The following DSCAML1 variants were observed in gnomAD, a reference collection of about 807,000 sequenced individuals.
The protein encoded by DSCAML1 is DS cell adhesion molecule like 1.
In DSCAML1, 38 loss-of-function variants were observed where a neutral mutation model predicts 200.5. The observed-to-expected ratio is 0.19, with a 90% CI of 0.15 to 0.25. The LOEUF (loss-of-function observed/expected upper bound fraction) is 0.25. Among genes scored for constraint, DSCAML1 ranks in the 10% least tolerant of loss-of-function variants. DSCAML1 has a pLI of 1.00. For missense variants in DSCAML1, 2,223 were observed against 2,858.8 expected, an observed-to-expected ratio of 0.78 and a Z score of 5.07; for synonymous variants, 1,215 against 1,165.0, an observed-to-expected ratio of 1.04 and a Z score of -0.87.
intron 3 of DSCAML1, among the ~76,000 whole-genome samples, chr11:117,650,306 G>A (rs1204145764): frequency 1.3e-5 from 2 of 152,180 alleles, no homozygotes; most frequent in Admixed American, 6.5e-5. Context: ...CGTGTCAAAG[G>A]CTTTGCAGGC....
chr11:117,522,623 C>T (rs773615090), intron 5 of DSCAML1, among the ~76,000 whole-genome samples: 2 of 152,180 alleles, frequency 1.3e-5, no homozygotes, highest in East Asian at 1.9e-4. Context: ...CTTGCTTCTC[C>T]CTACTCGTTT....
chr11:117,733,443 T>A (rs1939984), intron 3 of DSCAML1, among the ~76,000 whole-genome samples: 138,076 of 152,194 alleles, frequency 0.91, 63,388 homozygotes, highest in South Asian at 0.99. Flanking sequence ...GTCCCTACAC[T>A]CTTGGAAGTG....
At chr11:117,591,171 C>T (rs1056739602) in intron 3 of DSCAML1, among the ~76,000 whole-genome samples, 2 of 145,114 alleles carry the variant, frequency 1.4e-5, no homozygotes, top group African/African-American at 5.1e-5. Context: ...TATTTATTCA[C>T]ATACAGAGAG....
At chr11:117,599,031 A>G (rs2051415008) in intron 3 of DSCAML1, among the ~76,000 whole-genome samples, 1 of 152,244 alleles carries the variant, frequency 6.6e-6, no homozygotes, top group African/African-American at 2.4e-5. Context: ...AGTAATACGG[A>G]TCTCAACACC....
intron 3 of DSCAML1, among the ~76,000 whole-genome samples, chr11:117,626,169 C>T (rs141245631): frequency 2.7e-5 from 4 of 150,382 alleles, no homozygotes; most frequent in Admixed American, 6.6e-5. Flanking sequence ...GCCTAGTGGG[C>T]GGTGTTTAGC....
chr11:117,542,621 A>G (rs908481492), intron 3 of DSCAML1, among the ~76,000 whole-genome samples: 21 of 152,246 alleles, frequency 1.4e-4, no homozygotes, highest in Non-Finnish European at 1.0e-4. Context: ...GAAATATCTT[A>G]AATTGTTATA....
At chr11:117,719,288 A>C (rs568936191) in intron 3 of DSCAML1, among the ~76,000 whole-genome samples, 1 of 152,180 alleles carries the variant, frequency 6.6e-6, no homozygotes, top group Non-Finnish European at 1.5e-5. Flanking sequence ...TCCAAAAAAT[A>C]AAACTAAAAA....
chr11:117,627,583 A>T (rs1392515567), intron 3 of DSCAML1, among the ~76,000 whole-genome samples: 2 of 152,030 alleles, frequency 1.3e-5, no homozygotes, highest in Non-Finnish European at 2.9e-5. Flanking sequence ...CTCTATGTAA[A>T]GCCCGTCTGC....
chr11:117,548,119 T>A (rs1014316711), intron 3 of DSCAML1, among the ~76,000 whole-genome samples: 3 of 152,162 alleles, frequency 2.0e-5, no homozygotes, highest in Admixed American at 1.3e-4. Flanking sequence ...CAGGTGTGGA[T>A]CCCAGCGGCC....
chr11:117,771,512 G>A (rs962398068), intron 3 of DSCAML1, among the ~76,000 whole-genome samples: 1 of 152,188 alleles, frequency 6.6e-6, no homozygotes, highest in African/African-American at 2.4e-5. Context: ...GTCAGCACAA[G>A]GGTTGGTGGC....
At chr11:117,481,359 C>T (rs1444805628) in intron 12 of DSCAML1, 89 bp from the exon 13 acceptor site, 2 of 1,267,062 alleles carry the variant, frequency 1.6e-6, no homozygotes, top group Non-Finnish European at 2.3e-6. Context: ...CCAGGGCTCT[C>T]AGCAAGGCCC....
intron 3 of DSCAML1, among the ~76,000 whole-genome samples, chr11:117,626,209 CT>C (rs67062773): frequency 0.12 from 16,963 of 138,312 alleles, 825 homozygotes; most frequent in African/African-American, 0.17. Flanking sequence ...ACCCCCCCCC[CT>C]CCTTCTTCTG....
intron 11 of DSCAML1, among the ~76,000 whole-genome samples, chr11:117,490,460 G>C (rs890937314): frequency 6.6e-6 from 1 of 152,170 alleles, no homozygotes; most frequent in Non-Finnish European, 1.5e-5. Flanking sequence ...CCCAGACCCT[G>C]CCACGGGGAT....
At chr11:117,578,481 G>A (rs949780501) in intron 3 of DSCAML1, among the ~76,000 whole-genome samples, 2 of 151,834 alleles carry the variant, frequency 1.3e-5, no homozygotes, top group African/African-American at 4.8e-5. Context: ...GACCAGTCTC[G>A]CCAACAGAGC....
At chr11:117,760,904 C>T (rs1485847281) in intron 3 of DSCAML1, among the ~76,000 whole-genome samples, 1 of 152,174 alleles carries the variant, frequency 6.6e-6, no homozygotes, top group Non-Finnish European at 1.5e-5. Context: ...GAGGTCATAA[C>T]ACTATTTAGA....
intron 20 of DSCAML1, among the ~76,000 whole-genome samples, chr11:117,444,553 G>A (rs2048138363): frequency 6.6e-6 from 1 of 152,224 alleles, no homozygotes; most frequent in South Asian, 2.1e-4. Flanking sequence ...GCCCGTCCAG[G>A]GAGGAGGGGG....
At chr11:117,602,239 G>A (rs937362448) in intron 3 of DSCAML1, among the ~76,000 whole-genome samples, 31 of 152,262 alleles carry the variant, frequency 2.0e-4, no homozygotes, top group Non-Finnish European at 3.5e-4. Context: ...TGCCAGCCAA[G>A]AATGCTCCCT....
chr11:117,509,878 G>A (rs1305270264), intron 8 of DSCAML1, among the ~76,000 whole-genome samples: 1 of 152,238 alleles, frequency 6.6e-6, no homozygotes, highest in Non-Finnish European at 1.5e-5. Flanking sequence ...GTGGAGTCCA[G>A]CCTACAGATC....
chr11:117,495,415 C>T (rs1194302726), intron 11 of DSCAML1, among the ~76,000 whole-genome samples: 1 of 152,188 alleles, frequency 6.6e-6, no homozygotes, highest in Non-Finnish European at 1.5e-5. Context: ...TCTAGAGTCT[C>T]TGTGGACTTG....
Sources: gnomAD v4.1 joint callset for allele counts (sites outside exome capture counted in the v4.1 genomes callset) on GRCh38, gnomAD v4.1.1 for gene constraint, MANE v1.5 for transcripts, NCBI Gene and HGNC (gene_info 2026-07-23, HGNC 2026-07-21) for gene names.